The following NLGN1 variants were observed in gnomAD, a reference collection of about 807,000 sequenced individuals.
NLGN1 encodes neuroligin 1, also known as neuroligin-1.
In NLGN1, 12 loss-of-function variants were observed where a neutral mutation model predicts 65.5. The observed-to-expected ratio is 0.18, with a 90% confidence interval of 0.12 to 0.30. The LOEUF (loss-of-function observed/expected upper bound fraction) is 0.30. Ranked by LOEUF, NLGN1 falls within the 10% of genes least tolerant of loss-of-function variation. The probability of loss-of-function intolerance (pLI) is 1.00; values close to 1 mark genes in which losing one functional copy is unlikely to be tolerated. For missense variants in NLGN1, 750 were observed against 1,007.1 expected, an observed-to-expected ratio of 0.74 and a Z score of 3.46; for synonymous variants, 350 against 359.5, an observed-to-expected ratio of 0.97 and a Z score of 0.30.
chr3:174,167,925 C>G (rs1727835886), intron 4 of NLGN1, among the ~76,000 whole-genome samples: 1 of 151,584 alleles, frequency 6.6e-6, no homozygotes, highest in South Asian at 2.1e-4. Flanking sequence ...ATTTTTTTGT[C>G]AGATTGGCTT....
chr3:174,065,116 A>G (rs1738234746), intron 4 of NLGN1, among the ~76,000 whole-genome samples: 1 of 151,968 alleles, frequency 6.6e-6, no homozygotes, highest in Non-Finnish European at 1.5e-5. Flanking sequence ...TTTTTGAAAG[A>G]CTACTATCTG....
intron 1 of NLGN1, among the ~76,000 whole-genome samples, chr3:173,420,302 C>T (rs1483269923): frequency 1.3e-5 from 2 of 150,896 alleles, no homozygotes. Context: ...GTTCAATTCC[C>T]GCCTATGAGT....
chr3:173,995,500 A>G (rs996707841), intron 4 of NLGN1, among the ~76,000 whole-genome samples: 5 of 152,210 alleles, frequency 3.3e-5, no homozygotes, highest in South Asian at 2.1e-4. Flanking sequence ...TCCTAGTCCA[A>G]TCAAATATGT....
chr3:173,508,724 T>A (rs917042322), intron 2 of NLGN1, among the ~76,000 whole-genome samples: 2 of 152,120 alleles, frequency 1.3e-5, no homozygotes, highest in African/African-American at 4.8e-5. Context: ...TCCTGCTCAT[T>A]AAAAAAGAAG....
intron 3 of NLGN1, among the ~76,000 whole-genome samples, chr3:173,681,121 A>G (rs1363480194): frequency 6.6e-6 from 1 of 152,168 alleles, no homozygotes; most frequent in Non-Finnish European, 1.5e-5. Context: ...CTTTGTATAG[A>G]TTGAGTCTAC....
chr3:174,204,847 A>G (rs1356311340), intron 4 of NLGN1, among the ~76,000 whole-genome samples: 3 of 66,286 alleles, frequency 4.5e-5, no homozygotes, highest in Non-Finnish European at 9.7e-5. Flanking sequence ...AACTTCAAAC[A>G]GGTTTTTTTT....
intron 4 of NLGN1, among the ~76,000 whole-genome samples, chr3:174,076,718 AGAGAGAG>A (rs1741040255): frequency 8.2e-6 from 1 of 121,262 alleles, no homozygotes; most frequent in Non-Finnish European, 1.7e-5. Flanking sequence ...AGAGAGAGAG[AGAGAGAG>A]TGTGTGTGTG....
chr3:173,423,960 G>A (rs997616357), intron 1 of NLGN1, among the ~76,000 whole-genome samples: 2 of 152,152 alleles, frequency 1.3e-5, no homozygotes, highest in East Asian at 1.9e-4. Flanking sequence ...GGACATCGAG[G>A]CATTTTTATA....
At chr3:173,593,518 G>A (rs1258717539) in intron 2 of NLGN1, among the ~76,000 whole-genome samples, 1 of 152,218 alleles carries the variant, frequency 6.6e-6, no homozygotes, top group African/African-American at 2.4e-5. Flanking sequence ...TAAGTGTTTT[G>A]AGAGATAAGA....
chr3:174,234,221 G>A (rs1433337868), intron 4 of NLGN1, among the ~76,000 whole-genome samples: 1 of 152,078 alleles, frequency 6.6e-6, no homozygotes, highest in East Asian at 1.9e-4. Context: ...GGAAGTTAGG[G>A]TACACTTGGA....
At chr3:174,159,851 C>T (rs935140836) in intron 4 of NLGN1, among the ~76,000 whole-genome samples, 5 of 151,798 alleles carry the variant, frequency 3.3e-5, no homozygotes, top group African/African-American at 9.6e-5. Flanking sequence ...GCTTAACCTT[C>T]GCTAGGCATT....
At chr3:173,970,410 G>A (rs1715960918) in intron 4 of NLGN1, among the ~76,000 whole-genome samples, 1 of 152,114 alleles carries the variant, frequency 6.6e-6, no homozygotes, top group African/African-American at 2.4e-5. Context: ...AGAAGGAATG[G>A]CAATTTAAGG....
intron 3 of NLGN1, among the ~76,000 whole-genome samples, chr3:173,618,345 C>T (rs923453508): frequency 5.3e-5 from 8 of 152,010 alleles, no homozygotes; most frequent in African/African-American, 1.9e-4. Flanking sequence ...TAGAGACACA[C>T]ACCACCATAC....
intron 3 of NLGN1, among the ~76,000 whole-genome samples, chr3:173,806,363 A>T (rs779512842): frequency 6.6e-6 from 1 of 152,110 alleles, no homozygotes; most frequent in Non-Finnish European, 1.5e-5. Context: ...ATAAATTTGT[A>T]TTCTGTTAGT....
intron 4 of NLGN1, among the ~76,000 whole-genome samples, chr3:174,032,788 G>A (rs1252399836): frequency 6.6e-6 from 1 of 152,116 alleles, no homozygotes; most frequent in Non-Finnish European, 1.5e-5. Context: ...CAGCTCTCCA[G>A]GGGAAGACTG....
At chr3:174,257,300 T>C (rs1343908883) in intron 4 of NLGN1, among the ~76,000 whole-genome samples, 1 of 152,178 alleles carries the variant, frequency 6.6e-6, no homozygotes, top group Non-Finnish European at 1.5e-5. Flanking sequence ...GCTTTTACAC[T>C]GTCGATGGGA....
At chr3:173,718,113 C>A (rs1770178599) in intron 3 of NLGN1, among the ~76,000 whole-genome samples, 1 of 152,006 alleles carries the variant, frequency 6.6e-6, no homozygotes, top group Admixed American at 6.6e-5. Flanking sequence ...TTTCGTATAT[C>A]CATCACCTCA....
intron 2 of NLGN1, among the ~76,000 whole-genome samples, chr3:173,525,859 A>G (rs537366214): frequency 1.1e-4 from 17 of 152,212 alleles, no homozygotes; most frequent in African/African-American, 3.9e-4. Flanking sequence ...TGTTTACCCA[A>G]AAGTCATTCA....
chr3:174,213,961 C>T (rs1317107808), intron 4 of NLGN1, among the ~76,000 whole-genome samples: 1 of 152,072 alleles, frequency 6.6e-6, no homozygotes, highest in Non-Finnish European at 1.5e-5. Flanking sequence ...GGGCTTTTAT[C>T]TCCCAAATAT....
Sources: gnomAD v4.1 joint callset for allele counts (sites outside exome capture counted in the v4.1 genomes callset) on GRCh38, gnomAD v4.1.1 for gene constraint, MANE v1.5 for transcripts, NCBI Gene and HGNC (gene_info 2026-07-23, HGNC 2026-07-21) for gene names.